ZFHX3: variants seen among roughly 807,000 people sequenced by gnomAD.
ZFHX3 encodes the protein zinc finger homeobox 3.
ZFHX3 carries 42 observed loss-of-function variants against 279.1 expected under a neutral mutation model. That is an observed-to-expected ratio of 0.15 (90% CI 0.12 to 0.19). The LOEUF (loss-of-function observed/expected upper bound fraction) is 0.19. Ranked by LOEUF, ZFHX3 falls within the 10% of genes least tolerant of loss-of-function variation. ZFHX3 has a pLI of 1.00. For synonymous variants in ZFHX3, 2,293 were observed against 1,957.8 expected, an observed-to-expected ratio of 1.17 and a Z score of -4.52; for missense variants, 4,981 against 4,754.0, an observed-to-expected ratio of 1.05 and a Z score of -1.40.
intron 5 of ZFHX3, among the ~76,000 whole-genome samples, chr16:73,178,696 C>T (rs1967720934): frequency 6.6e-6 from 1 of 152,066 alleles, no homozygotes. Flanking sequence ...CTATGTTGCC[C>T]AGGCTGGTTT....
At chr16:73,706,120 C>T (rs1276155602) in intron 1 of ZFHX3, among the ~76,000 whole-genome samples, 2 of 152,050 alleles carry the variant, frequency 1.3e-5, no homozygotes, top group African/African-American at 4.8e-5. Context: ...GCCTGGACAA[C>T]ATAGTAAGAC....
chr16:73,547,666 G>C (rs1322794327), intron 2 of ZFHX3, among the ~76,000 whole-genome samples: 1 of 152,128 alleles, frequency 6.6e-6, no homozygotes, highest in Non-Finnish European at 1.5e-5. Context: ...CTTTCTATCT[G>C]AACACTAGGT....
At chr16:73,337,252 G>A (rs901976728) in intron 3 of ZFHX3, among the ~76,000 whole-genome samples, 1 of 151,778 alleles carries the variant, frequency 6.6e-6, no homozygotes, top group Non-Finnish European at 1.5e-5. Flanking sequence ...CTTATCCTAC[G>A]TCCTGTGGGA....
At chr16:73,760,996 GAA>G (rs34146928) in intron 1 of ZFHX3, among the ~76,000 whole-genome samples, 42,736 of 142,034 alleles carry the variant, frequency 0.3, 7,059 homozygotes, top group East Asian at 0.61. Context: ...GCAAGAAAAA[GAA>G]AAAAAAAAAA....
intron 3 of ZFHX3, among the ~76,000 whole-genome samples, chr16:73,403,576 G>T (rs1272901027): frequency 3.3e-5 from 5 of 152,030 alleles, no homozygotes; most frequent in Non-Finnish European, 1.5e-5. Flanking sequence ...AAAAGCAAAA[G>T]GTGCTTTCTT....
intron 1 of ZFHX3, among the ~76,000 whole-genome samples, chr16:73,746,694 C>T (rs183304813): frequency 1.7e-3 from 260 of 152,242 alleles, no homozygotes; most frequent in African/African-American, 5.9e-3. Flanking sequence ...GTTTGGGCTT[C>T]CCCAACATCA....
At chr16:72,848,322 G>T (rs2037528518) in intron 4 of ZFHX3, among the ~76,000 whole-genome samples, 1 of 152,116 alleles carries the variant, frequency 6.6e-6, no homozygotes, top group African/African-American at 2.4e-5. Flanking sequence ...CTATTCACGA[G>T]CCCTATTGAT....
chr16:73,026,192 CAAAAAAAAAAAA>C (rs60146795), intron 1 of ZFHX3, among the ~76,000 whole-genome samples: 27 of 47,484 alleles, frequency 5.7e-4, no homozygotes, highest in Non-Finnish European at 5.6e-4. Context: ...ACAAAAAATA[CAAAAAAAAAAAA>C]AAAAAAAAAA....
intron 2 of ZFHX3, among the ~76,000 whole-genome samples, chr16:73,610,691 T>C (rs1329531197): frequency 6.6e-6 from 1 of 152,206 alleles, no homozygotes; most frequent in African/African-American, 2.4e-5. Flanking sequence ...AGAAACAGGA[T>C]GATAAATAGA....
chr16:73,435,239 G>A (rs140354981), intron 3 of ZFHX3, among the ~76,000 whole-genome samples: 14 of 152,148 alleles, frequency 9.2e-5, no homozygotes, highest in South Asian at 8.3e-4. Context: ...ACAGAGTTTC[G>A]CTCTTGTCAC....
At chr16:73,611,145 G>C (rs1567532759) in intron 2 of ZFHX3, among the ~76,000 whole-genome samples, 1 of 152,204 alleles carries the variant, frequency 6.6e-6, no homozygotes. Flanking sequence ...GGTTAGAAAA[G>C]CAGTTTTGGT....
At chr16:73,609,216 T>C (rs1040375715) in intron 2 of ZFHX3, 2 of 152,218 alleles carry the variant, frequency 1.3e-5, no homozygotes, top group African/African-American at 4.8e-5. Flanking sequence ...ACATTTGATT[T>C]GCTCATCATC....
At chr16:73,240,778 T>C (rs1019106404) in intron 5 of ZFHX3, among the ~76,000 whole-genome samples, 1 of 152,150 alleles carries the variant, frequency 6.6e-6, no homozygotes, top group Non-Finnish European at 1.5e-5. Flanking sequence ...AATTTGCAAA[T>C]ACGGAATCTG....
intron 1 of ZFHX3, among the ~76,000 whole-genome samples, chr16:73,834,888 C>CA (rs57435103): frequency 0.018 from 2,578 of 139,888 alleles, 66 homozygotes; most frequent in African/African-American, 0.056. Flanking sequence ...GACTTCGTCT[C>CA]AAAAAAAAAA....
At position 72,950,612 on chromosome 16, in the gene ZFHX3, T is replaced by C; in HGVS notation, c.3073A>G (p.Asn1025Asp). The C allele has an allele frequency of 6.2e-7, 1 of 1,614,222 alleles. No individual in the cohort carries two copies. The highest frequency in any genetic ancestry group is 8.5e-7 in the Non-Finnish European group (1 of 1,180,038). The part of the protein sequence containing the change: ...VAHIKEGGKA[N>D]EWRLKCVAIG... Reference sequence around the variant, plus strand: ...GCCACACACTTGAGCCTCCACTCGTTGGCCTTGCCGCCCTCCTTGATGTGG... The same window carrying C: ...GCCACACACTTGAGCCTCCACTCGTCGGCCTTGCCGCCCTCCTTGATGTGG... The change falls in exon 3 of 10, where the codon AAC becomes GAC. Residue 1025 changes from asparagine to aspartate, a missense_variant. Physicochemically the swap from Asn to Asp is conservative, Grantham distance 23. Transcript: ENST00000268489.
rs2035380874 is a variant in ZFHX3 at position 72,786,571 on chromosome 16, A to G, written c.*593T>C. The G allele has an allele frequency of 6.7e-6, 1 of 149,582 alleles. No homozygotes were observed. Among genetic ancestry groups the G allele is most frequent in the South Asian group, 2.1e-4 (1 of 4,730 alleles). 9.3% of individuals were successfully genotyped at this position (149,582 alleles called of 1,614,324 possible). ...CATTTTTAAGTTAACAAAACAAAAAATCTTTTCTGGAACAAAAAAAAAAAA... is the reference window on the plus strand; with the variant it reads ...CATTTTTAAGTTAACAAAACAAAAAGTCTTTTCTGGAACAAAAAAAAAAAA... On this transcript the variant is annotated 3_prime_UTR_variant, in exon 10 of 10. Transcript: ENST00000268489.
intron 2 of ZFHX3, among the ~76,000 whole-genome samples, chr16:73,556,054 G>C (rs1467473606): frequency 6.6e-6 from 1 of 152,132 alleles, no homozygotes; most frequent in Non-Finnish European, 1.5e-5. Context: ...AAGCAGAGAT[G>C]AGGAAGCAGC....
chr16:72,850,409 G>C (rs1344684221), intron 4 of ZFHX3, among the ~76,000 whole-genome samples: 1 of 152,270 alleles, frequency 6.6e-6, no homozygotes, highest in Non-Finnish European at 1.5e-5. Context: ...GTGCACACAA[G>C]TGCTATTTTC....
At position 73,523,119 on chromosome 16, in the gene ZFHX3, C is replaced by G. The variant is rs148141691; in HGVS notation, c.-1546-66861G>C. ...ACAAGGAAAGGGAGTTTCACTGTGC[C>G]TTTATTTCTCCTCCTCTCTCCCATA... On this transcript the variant is annotated intron_variant, in intron 2 of 17. Coordinates refer to the ZFHX3 transcript ENST00000641206. 2.0e-5 allele frequency among the ~76,000 whole-genome samples: 3 copies of G among 152,282 alleles called. No individual in the cohort carries two copies. The East Asian group carries it at 5.8e-4, about 29-fold the overall frequency.
Sources: gnomAD v4.1 joint callset for allele counts (sites outside exome capture counted in the v4.1 genomes callset) on GRCh38, gnomAD v4.1.1 for gene constraint, MANE v1.5 for transcripts, NCBI Gene and HGNC (gene_info 2026-07-23, HGNC 2026-07-21) for gene names.